The following GRM8 variants were observed in gnomAD, a reference collection of about 807,000 sequenced individuals.
GRM8 encodes the protein glutamate metabotropic receptor 8.
In GRM8, 47 loss-of-function variants were observed where a neutral mutation model predicts 87.2. The observed-to-expected ratio is 0.54, with a 90% CI of 0.43 to 0.69. The LOEUF is 0.69. Among genes scored for constraint, GRM8 ranks in the 30% least tolerant of loss-of-function variants. The pLI is 0.00. For missense variants in GRM8, 1,019 were observed against 1,139.2 expected, an observed-to-expected ratio of 0.89 and a Z score of 1.52; for synonymous variants, 396 against 404.5, an observed-to-expected ratio of 0.98 and a Z score of 0.25.
At chr7:126,965,322 G>A (rs1809738672) in intron 3 of GRM8, among the ~76,000 whole-genome samples, 1 of 151,662 alleles carries the variant, frequency 6.6e-6, no homozygotes, top group Admixed American at 6.6e-5. Context: ...AAAGAAAGAG[G>A]AAACATTTGT....
chr7:126,607,979 G>T (rs996444382), intron 8 of GRM8, among the ~76,000 whole-genome samples: 17 of 151,802 alleles, frequency 1.1e-4, no homozygotes, highest in African/African-American at 3.9e-4. Flanking sequence ...AGAGATGCTG[G>T]ATGAATGAAC....
chr7:126,716,925 T>C (rs1585642852), intron 7 of GRM8, among the ~76,000 whole-genome samples: 2 of 152,038 alleles, frequency 1.3e-5, no homozygotes, highest in South Asian at 2.1e-4. Context: ...ATAATAAACA[T>C]GTCAAGAGGA....
intron 3 of GRM8, among the ~76,000 whole-genome samples, chr7:127,097,618 C>T (rs545719800): frequency 4.1e-4 from 62 of 152,260 alleles, no homozygotes; most frequent in Middle Eastern, 3.4e-3. Flanking sequence ...ATCCCCATTC[C>T]TTTCACTAGT....
chr7:126,533,158 A>G lies in GRM8; in HGVS notation c.2224T>C (p.Cys742Arg), dbSNP rs1815126694. The change falls in exon 9 of 11, where the codon TGT becomes CGT. Residue 742 changes from cysteine (C) to arginine (R), a missense_variant. Transcript: ENST00000339582. ...ATGAGTGAGAGATCAGAAATGTCACACTTGAGCACTCCCCTGGCCTTCTCT... is the reference window on the plus strand; with the variant it reads ...ATGAGTGAGAGATCAGAAATGTCACGCTTGAGCACTCCCCTGGCCTTCTCT... ...DPEKARGVLK[C>R]DISDLSLICS... is the part of the protein sequence containing the mutation. 1.9e-6 allele frequency: 3 copies of G among 1,612,798 alleles called. No homozygotes were observed. Among genetic ancestry groups the G allele is most frequent in the Non-Finnish European group, 1.7e-6 (2 of 1,179,784 alleles).
intron 6 of GRM8, among the ~76,000 whole-genome samples, chr7:126,867,439 T>C (rs546687690): frequency 5.5e-4 from 84 of 152,350 alleles, no homozygotes; most frequent in African/African-American, 2.0e-3. Flanking sequence ...TTTAGTTGTA[T>C]TGACTGGAGA....
chr7:126,544,508 T>A (rs1816908402), intron 8 of GRM8, among the ~76,000 whole-genome samples: 1 of 151,722 alleles, frequency 6.6e-6, no homozygotes. Flanking sequence ...AAAGTTTATT[T>A]ATTATTATTA....
At chr7:126,933,928 C>T (rs914908473) in intron 3 of GRM8, among the ~76,000 whole-genome samples, 1 of 152,176 alleles carries the variant, frequency 6.6e-6, no homozygotes, top group Non-Finnish European at 1.5e-5. Flanking sequence ...TTAATCACTT[C>T]ATTCTTTGCT....
chr7:126,619,835 C>T (rs1407983233), intron 7 of GRM8, among the ~76,000 whole-genome samples: 6 of 151,976 alleles, frequency 3.9e-5, no homozygotes, highest in African/African-American at 1.4e-4. Flanking sequence ...GGATCACAGG[C>T]CTGTGCCACC....
intron 2 of GRM8, among the ~76,000 whole-genome samples, chr7:127,162,765 G>A (rs527337727): frequency 2.0e-5 from 3 of 152,250 alleles, no homozygotes; most frequent in African/African-American, 4.8e-5. Flanking sequence ...ACAGCAAAGC[G>A]AAACAAGTTT....
chr7:127,071,112 T>G (rs1821639523), intron 3 of GRM8, among the ~76,000 whole-genome samples: 1 of 152,130 alleles, frequency 6.6e-6, no homozygotes, highest in Non-Finnish European at 1.5e-5. Flanking sequence ...GAAAATAACA[T>G]CACTGCCAAA....
intron 7 of GRM8, among the ~76,000 whole-genome samples, chr7:126,691,553 C>A (rs1365316869): frequency 6.6e-6 from 1 of 152,208 alleles, no homozygotes; most frequent in African/African-American, 2.4e-5. Context: ...GGCCACACCT[C>A]CCCTACTGCA....
intron 3 of GRM8, among the ~76,000 whole-genome samples, chr7:126,926,502 C>T (rs1260199393): frequency 1.3e-5 from 2 of 152,154 alleles, no homozygotes; most frequent in Non-Finnish European, 2.9e-5. Context: ...CTATAATAAC[C>T]TCTTTGCCAG....
chr7:127,226,716 G>A (rs2116768797), intron 2 of GRM8, among the ~76,000 whole-genome samples: 1 of 152,326 alleles, frequency 6.6e-6, no homozygotes, highest in Non-Finnish European at 1.5e-5. Flanking sequence ...TCTGTCTTGA[G>A]CTGATTAGTG....
intron 8 of GRM8, among the ~76,000 whole-genome samples, chr7:126,538,835 G>T (rs943740115): frequency 6.6e-6 from 1 of 151,876 alleles, no homozygotes; most frequent in Non-Finnish European, 1.5e-5. Flanking sequence ...GCCATATTTT[G>T]CATATCACAT....
chr7:127,155,941 T>C (rs1792702632), intron 2 of GRM8, among the ~76,000 whole-genome samples: 1 of 152,092 alleles, frequency 6.6e-6, no homozygotes, highest in African/African-American at 2.4e-5. Context: ...GAGAGGGTAG[T>C]AGAAAACCTG....
chr7:126,839,527 A>G (rs1796089298), intron 6 of GRM8, among the ~76,000 whole-genome samples: 1 of 152,204 alleles, frequency 6.6e-6, no homozygotes, highest in South Asian at 2.1e-4. Flanking sequence ...CATTGAATAC[A>G]TTCACATTTA....
intron 3 of GRM8, among the ~76,000 whole-genome samples, chr7:127,073,206 C>T (rs2132698756): frequency 6.6e-6 from 1 of 152,216 alleles, no homozygotes; most frequent in South Asian, 2.1e-4. Flanking sequence ...TAGAAAATTG[C>T]TTAAAAGCCA....
chr7:127,175,824 G>T (rs2116364382), intron 2 of GRM8, among the ~76,000 whole-genome samples: 1 of 152,172 alleles, frequency 6.6e-6, no homozygotes, highest in East Asian at 1.9e-4. Flanking sequence ...ATTACCAGAA[G>T]ACCTGTAATG....
At chr7:126,586,631 T>G (rs1178607249) in intron 8 of GRM8, among the ~76,000 whole-genome samples, 1 of 152,330 alleles carries the variant, frequency 6.6e-6, no homozygotes, top group Non-Finnish European at 1.5e-5. Context: ...TAGCCATATG[T>G]AGAAAGCTCA....
Sources: allele counts gnomAD v4.1 joint callset (sites outside exome capture counted in the v4.1 genomes callset), GRCh38; gene constraint gnomAD v4.1.1; transcripts MANE v1.5; gene names NCBI Gene and HGNC (gene_info 2026-07-23, HGNC 2026-07-21).